The following PLCB4 variants were observed in gnomAD, a reference collection of about 807,000 sequenced individuals.
PLCB4 encodes the protein phospholipase C beta 4, also known as 1-phosphatidylinositol 4,5-bisphosphate phosphodiesterase beta-4.
PLCB4 carries 77 observed loss-of-function variants against 178.8 expected under a neutral mutation model. The observed-to-expected ratio is 0.43, with a 90% CI of 0.36 to 0.52. The LOEUF is 0.52. Ranked by LOEUF, PLCB4 falls within the 20% of genes least tolerant of loss-of-function variation. The probability of loss-of-function intolerance (pLI) is 0.00; values close to 1 mark genes in which losing one functional copy is unlikely to be tolerated. For missense variants in PLCB4, 1,024 were observed against 1,453.4 expected, an observed-to-expected ratio of 0.70 and a Z score of 4.80; for synonymous variants, 496 against 490.8, an observed-to-expected ratio of 1.01 and a Z score of -0.14.
intron 4 of PLCB4, among the ~76,000 whole-genome samples, chr20:9,329,496 T>C (rs1260614077): frequency 6.6e-6 from 1 of 152,156 alleles, no homozygotes; most frequent in African/African-American, 2.4e-5. Flanking sequence ...ATAGTAGGCA[T>C]ATTACTAGGT....
At chr20:9,476,515 G>T (rs1161196317) in intron 38 of PLCB4, among the ~76,000 whole-genome samples, 1 of 152,236 alleles carries the variant, frequency 6.6e-6, no homozygotes, top group Non-Finnish European at 1.5e-5. Flanking sequence ...GGCGTTGGTT[G>T]TTTGTTTCGT....
At chr20:9,087,341 A>G (rs980072364) in intron 1 of PLCB4, among the ~76,000 whole-genome samples, 4 of 152,204 alleles carry the variant, frequency 2.6e-5, no homozygotes. Context: ...GGTTGTATAC[A>G]TAGTATAATT....
intron 2 of PLCB4, among the ~76,000 whole-genome samples, chr20:9,162,850 A>T (rs2092910838): frequency 6.6e-6 from 1 of 152,200 alleles, no homozygotes; most frequent in Non-Finnish European, 1.5e-5. Context: ...TTATAGTCTT[A>T]CTTTACATAT....
intron 7 of PLCB4, among the ~76,000 whole-genome samples, chr20:9,342,054 C>T (rs1343365937): frequency 6.6e-6 from 1 of 152,124 alleles, no homozygotes; most frequent in African/African-American, 2.4e-5. Flanking sequence ...ATATTGAGTA[C>T]ATTTTTCCAC....
chr20:9,351,589 T>C (rs1318501535), intron 7 of PLCB4, among the ~76,000 whole-genome samples: 3 of 152,206 alleles, frequency 2.0e-5, no homozygotes, highest in Non-Finnish European at 4.4e-5. Flanking sequence ...TTTTCTGCTG[T>C]GTGTGGGGAG....
chr20:9,072,265 T>C (rs1275353766), intron 1 of PLCB4, among the ~76,000 whole-genome samples: 1 of 152,190 alleles, frequency 6.6e-6, no homozygotes, highest in African/African-American at 2.4e-5. Flanking sequence ...TTTTCCTATT[T>C]CCCTCTCATA....
chr20:9,473,384 G>A lies in PLCB4; in HGVS notation c.3495+19G>A, dbSNP rs201852222. On this transcript the variant is annotated intron_variant, in intron 38 of 39. Coordinates refer to ENST00000378473, the MANE Select transcript of PLCB4 (RefSeq NM_001377142.1). ...TGAGCAGGTATTTTACCTAAAATAC[G>A]TAAAAACATGCAGGCAGCTAGCCAG... 412 of 1,410,016 alleles carry A rather than the reference G, an allele frequency of 2.9e-4. 2 individuals carry two copies. In the Admixed American group the frequency reaches 6.4e-3, roughly 22 times the overall value. 87.3% of individuals were successfully genotyped at this position (1,410,016 alleles called of 1,614,324 possible).
At chr20:9,353,622 G>A (rs915356923) in intron 7 of PLCB4, among the ~76,000 whole-genome samples, 2 of 152,296 alleles carry the variant, frequency 1.3e-5, no homozygotes, top group Admixed American at 6.5e-5. Context: ...GTCAAGTCCT[G>A]CCTGTACCAT....
intron 2 of PLCB4, among the ~76,000 whole-genome samples, chr20:9,155,508 C>G (rs1227226945): frequency 6.6e-6 from 1 of 152,036 alleles, no homozygotes; most frequent in African/African-American, 2.4e-5. Context: ...CTGCAGTGTC[C>G]CAGGGAGGAA....
At chr20:9,150,889 A>G (rs1171004772) in intron 2 of PLCB4, among the ~76,000 whole-genome samples, 1 of 152,186 alleles carries the variant, frequency 6.6e-6, no homozygotes. Flanking sequence ...ATCTTCCCCC[A>G]AATGGCTTTG....
At chr20:9,298,732 T>C (rs1358801362) in intron 3 of PLCB4, among the ~76,000 whole-genome samples, 4 of 152,128 alleles carry the variant, frequency 2.6e-5, no homozygotes, top group African/African-American at 9.6e-5. Flanking sequence ...TTTTTATTCA[T>C]CTATTTGTAA....
At chr20:9,105,110 T>A (rs1036743528) in intron 2 of PLCB4, among the ~76,000 whole-genome samples, 3 of 152,128 alleles carry the variant, frequency 2.0e-5, no homozygotes, top group African/African-American at 7.2e-5. Flanking sequence ...CCTAAAAAGC[T>A]ATTAGAAGTA....
chr20:9,075,853 A>G (rs1354623527), intron 1 of PLCB4, among the ~76,000 whole-genome samples: 1 of 152,228 alleles, frequency 6.6e-6, no homozygotes, highest in Non-Finnish European at 1.5e-5. Flanking sequence ...CTGTCAGCCC[A>G]TGGTGTGGCC....
chr20:9,069,139 G>C lies in PLCB4; in HGVS notation c.-202G>C, dbSNP rs1271769607. 4.6e-5 allele frequency: 7 copies of C among 153,292 alleles called. No homozygotes were observed. The South Asian group carries it at 1.4e-3, about 32-fold the overall frequency. The allele number at this position is 153,292 out of a possible 1,614,324, so 9.5% of individuals were successfully genotyped here. A position where few individuals can be genotyped will look rare whatever the true frequency, so the allele number is the denominator to read the frequency against. The stretch of plus-strand genomic sequence containing the variant: ...CACACGGGCGCGCACACACACGCGC[G>C]TACACACTGGGTCTCCAGGCAGCGG... On this transcript the variant is annotated 5_prime_UTR_variant, in exon 1 of 40. Transcript: ENST00000378473.
At chr20:9,391,524 A>G (rs532477001) in intron 17 of PLCB4, among the ~76,000 whole-genome samples, 1 of 152,308 alleles carries the variant, frequency 6.6e-6, no homozygotes, top group African/African-American at 2.4e-5. Context: ...ACACTTTATG[A>G]GGTTCTTTTC....
At chr20:9,287,321 A>G (rs1443716825) in intron 3 of PLCB4, among the ~76,000 whole-genome samples, 1 of 152,038 alleles carries the variant, frequency 6.6e-6, no homozygotes, top group African/African-American at 2.4e-5. Context: ...TTATGAAGAT[A>G]ACTAAAGTTA....
intron 3 of PLCB4, among the ~76,000 whole-genome samples, chr20:9,241,968 G>A (rs911533217): frequency 1.8e-4 from 28 of 152,164 alleles, no homozygotes; most frequent in Admixed American, 3.3e-4. Flanking sequence ...TCTGTTCCAT[G>A]TGGCCTCTCA....
intron 3 of PLCB4, among the ~76,000 whole-genome samples, chr20:9,231,246 C>G (rs1454293449): frequency 6.6e-6 from 1 of 152,102 alleles, no homozygotes; most frequent in African/African-American, 2.4e-5. Context: ...CTTCCCATAT[C>G]TTACTTTGAA....
chr20:9,235,337 T>C (rs1362621482), intron 3 of PLCB4, among the ~76,000 whole-genome samples: 4 of 152,124 alleles, frequency 2.6e-5, no homozygotes, highest in Non-Finnish European at 5.9e-5. Flanking sequence ...AAATACACAA[T>C]TGGAAGTTAA....
Sources: gnomAD v4.1 joint callset for allele counts (sites outside exome capture counted in the v4.1 genomes callset) on GRCh38, gnomAD v4.1.1 for gene constraint, MANE v1.5 for transcripts, NCBI Gene and HGNC (gene_info 2026-07-23, HGNC 2026-07-21) for gene names.